INSL6: variants seen among roughly 807,000 people sequenced by gnomAD.
INSL6 encodes the protein insulin-like peptide INSL6.
In INSL6, 16 loss-of-function variants were observed where a neutral mutation model predicts 9.4. That is an observed-to-expected ratio of 1.70 (90% confidence interval 1.15 to 2.59). The LOEUF (loss-of-function observed/expected upper bound fraction) is 2.59. Ranked by LOEUF, INSL6 falls within the 30% of genes most tolerant of loss-of-function variation. The probability of loss-of-function intolerance (pLI) is 0.00; values close to 1 mark genes in which losing one functional copy is unlikely to be tolerated. For missense variants in INSL6, 391 were observed against 257.3 expected (o/e 1.52, Z -3.56); for synonymous variants, 154 against 96.9 (o/e 1.59, Z -3.46).
chr9:5,117,717 T>C, the INSL6 span, among the ~76,000 whole-genome samples: 4 of 151,968 alleles, frequency 2.6e-5, no homozygotes, highest in Admixed American at 2.6e-4. Flanking sequence ...TTTAATATGG[T>C]AAATACTGGT....
At chr9:5,089,537 CAAAAAAAAAAA>C in the INSL6 span, 37 of 87,084 alleles carry the variant, frequency 4.2e-4, 2 homozygotes, top group East Asian at 4.1e-3. Flanking sequence ...GACTTCGTCT[CAAAAAAAAAAA>C]AAAAAAAAAA....
In INSL6 at chr9:5,126,497, T is replaced by C. The variant is rs776977603; in HGVS notation, c.*11-1986A>G. On this transcript the variant is annotated intron_variant, in intron 3 of 3. Transcript: ENST00000649639. ...TAGTCATGCATTTTCTTTTACTTTT[T>C]ACTCAAGGACTTCAGTTCACTTCCT... The C allele has an allele frequency of 9.3e-5, 119 of 1,276,546 alleles. No individual in the cohort carries two copies. The South Asian group carries it at 1.4e-3, about 15-fold the overall frequency. The allele number at this position is 1,276,546 out of a possible 1,614,324, so 79.1% of individuals were successfully genotyped here.
chr9:4,998,639 A>C, the INSL6 span, among the ~76,000 whole-genome samples: 2 of 151,722 alleles, frequency 1.3e-5, no homozygotes, highest in African/African-American at 4.8e-5. Flanking sequence ...GTGAATTATA[A>C]ATCTGGCTTT....
At chr9:5,105,149 T>C in the INSL6 span, among the ~76,000 whole-genome samples, 1 of 152,322 alleles carries the variant, frequency 6.6e-6, no homozygotes, top group African/African-American at 2.4e-5. Flanking sequence ...CGACTGTATA[T>C]TTAGAAAACT....
At chr9:5,079,726 G>C in the INSL6 span, among the ~76,000 whole-genome samples, 1 of 152,024 alleles carries the variant, frequency 6.6e-6, no homozygotes, top group Admixed American at 6.6e-5. Context: ...TAAAGCGCTT[G>C]GGTGGATCAC....
the INSL6 span, among the ~76,000 whole-genome samples, chr9:5,033,777 T>G: frequency 1.3e-5 from 2 of 152,140 alleles, no homozygotes; most frequent in East Asian, 1.9e-4. Flanking sequence ...TACCAGCCAC[T>G]GCAAAAACAC....
the INSL6 span, chr9:5,108,859 C>T: frequency 1.3e-5 from 2 of 152,136 alleles, no homozygotes; most frequent in Non-Finnish European, 2.9e-5. Flanking sequence ...GGTGCCGTCA[C>T]CCTTATAATT....
the INSL6 span, chr9:5,109,736 C>G: frequency 6.6e-6 from 1 of 152,144 alleles, no homozygotes; most frequent in African/African-American, 2.4e-5. Context: ...GACTACTTCT[C>G]CATAATATTT....
At chr9:5,007,725 CT>C in the INSL6 span, among the ~76,000 whole-genome samples, 13,329 of 144,322 alleles carry the variant, frequency 0.092, 1,661 homozygotes, top group African/African-American at 0.3. Context: ...ATTATATTGT[CT>C]TTTTTTTTTT....
intron 1 of INSL6, among the ~76,000 whole-genome samples, chr9:5,180,700 GTTAT>G (rs1440398642): frequency 2.0e-5 from 3 of 152,100 alleles, no homozygotes; most frequent in Non-Finnish European, 2.9e-5. Flanking sequence ...CCTGTTTTCT[GTTAT>G]TTAAGATGTT....
chr9:5,164,160 G>C lies in INSL6; in HGVS notation c.395C>G (p.Ser132Cys), dbSNP rs1291595676. 9 of 1,607,276 alleles carry C rather than the reference G, an allele frequency of 5.6e-6. No individual in the cohort carries two copies. The highest frequency in any genetic ancestry group is 6.8e-6 in the Non-Finnish European group (8 of 1,177,134). The change falls in exon 2 of 2, where the codon TCT (serine) becomes TGT (cysteine). Residue 132 changes from serine to cysteine, a missense_variant. Transcript: ENST00000381641. ...YSPLGKTREF[S>C]SSHNINVYIH... The stretch of plus-strand genomic sequence containing the variant: ...ATATACATTGATATTATGTGATGAA[G>C]AAAATTCTCTTGTCTTACCAAGGGG...
At chr9:5,113,644 A>G in the INSL6 span, 1 of 162,122 alleles carries the variant, frequency 6.2e-6, no homozygotes, top group Non-Finnish European at 1.4e-5. Context: ...GCCTGGCCAC[A>G]GGCTACTTCC....
At chr9:5,069,957 G>A in the INSL6 span, 1 of 1,604,014 alleles carries the variant, frequency 6.2e-7, no homozygotes, top group Non-Finnish European at 8.5e-7. Flanking sequence ...CAGAACGAAT[G>A]GTGTTTCTGA....
At chr9:5,155,030 G>A (rs1295125801) in intron 2 of INSL6, among the ~76,000 whole-genome samples, 1 of 151,864 alleles carries the variant, frequency 6.6e-6, no homozygotes, top group East Asian at 1.9e-4. Context: ...GCACACGTAT[G>A]TTTATTGCGG....
chr9:5,175,264 C>T (rs1825272896), intron 1 of INSL6, among the ~76,000 whole-genome samples: 1 of 151,990 alleles, frequency 6.6e-6, no homozygotes, highest in African/African-American at 2.4e-5. Flanking sequence ...GATTTCTCTT[C>T]CTCATATCTC....
chr9:5,090,738 G>C, the INSL6 span: 1 of 1,595,050 alleles, frequency 6.3e-7, no homozygotes, highest in Non-Finnish European at 8.5e-7. Flanking sequence ...TTTATCCATA[G>C]GGTATGGAGT....
the INSL6 span, among the ~76,000 whole-genome samples, chr9:5,030,327 T>A: frequency 2.6e-5 from 4 of 152,184 alleles, no homozygotes; most frequent in Admixed American, 2.0e-4. Flanking sequence ...CAGTGTGTAT[T>A]TGCAGCCTCA....
At chr9:5,103,316 G>C in the INSL6 span, among the ~76,000 whole-genome samples, 1 of 131,798 alleles carries the variant, frequency 7.6e-6, no homozygotes, top group Admixed American at 7.9e-5. Context: ...GATCAAAAGA[G>C]ACAAAAAAGG....
intron 3 of INSL6, chr9:5,125,886 G>A (rs1823957929): frequency 1.3e-5 from 2 of 151,752 alleles, no homozygotes. Context: ...TGATGTTTAA[G>A]TATTTTCCTA....
Sources: allele counts gnomAD v4.1 joint callset (sites outside exome capture counted in the v4.1 genomes callset), GRCh38; gene constraint gnomAD v4.1.1; transcripts MANE v1.5; gene names NCBI Gene and HGNC (gene_info 2026-07-23, HGNC 2026-07-21).